Variants in PKHD1 observed in about 807,000 individuals in gnomAD.
PKHD1 encodes fibrocystin.
Under a neutral mutation model 412.0 loss-of-function variants are expected in PKHD1, and 291 were observed. The ratio of observed to expected loss-of-function variants is 0.71; its 90% CI spans 0.64 to 0.78. PKHD1 has a LOEUF of 0.78. Ranked by LOEUF, PKHD1 falls within the 30% of genes least tolerant of loss-of-function variation. The pLI, the probability that PKHD1 is intolerant of heterozygous loss-of-function variation, is 0.00. For missense variants in PKHD1, 4,825 were observed against 4,950.7 expected (o/e 0.97, Z 0.76); for synonymous variants, 1,777 against 1,821.5 (o/e 0.98, Z 0.62).
At chr6:51,841,889 C>A (rs906791049) in intron 50 of PKHD1, among the ~76,000 whole-genome samples, 1 of 152,218 alleles carries the variant, frequency 6.6e-6, no homozygotes, top group African/African-American at 2.4e-5. Context: ...GGAAAGGAAA[C>A]CTGGGCAGTG....
chr6:51,990,413 C>A (rs113232354), intron 35 of PKHD1, among the ~76,000 whole-genome samples: 5,761 of 152,216 alleles, frequency 0.038, 182 homozygotes, highest in Non-Finnish European at 0.063. Context: ...CCTTGTTTGG[C>A]ATATTTCTTT....
chr6:51,870,716 T>C, intron 46 of PKHD1, 77 bp from the exon 47 acceptor site: 3 of 1,180,754 alleles, frequency 2.5e-6, no homozygotes, highest in Admixed American at 1.9e-5. Context: ...AATGCATGAA[T>C]AAAAACAAAG....
intron 27 of PKHD1, among the ~76,000 whole-genome samples, chr6:52,042,277 T>G (rs551237012): frequency 6.6e-6 from 1 of 152,356 alleles, no homozygotes; most frequent in East Asian, 1.9e-4. Flanking sequence ...TGTTCTAAGC[T>G]GCAGTCCTCT....
intron 34 of PKHD1, among the ~76,000 whole-genome samples, chr6:52,015,206 A>G (rs1463486886): frequency 6.6e-6 from 1 of 152,204 alleles, no homozygotes; most frequent in East Asian, 1.9e-4. Context: ...GTGACTTAGT[A>G]TCATATCATT....
intron 60 of PKHD1, among the ~76,000 whole-genome samples, chr6:51,679,308 A>G (rs1776303634): frequency 6.6e-6 from 1 of 152,102 alleles, no homozygotes; most frequent in Non-Finnish European, 1.5e-5. Flanking sequence ...TGTGTTCGCC[A>G]CAAGTGCCTA....
At chr6:51,799,844 A>T (rs1762634203) in intron 52 of PKHD1, among the ~76,000 whole-genome samples, 1 of 152,226 alleles carries the variant, frequency 6.6e-6, no homozygotes, top group Non-Finnish European at 1.5e-5. Context: ...AATCACTCAG[A>T]AATAGTTATT....
intron 60 of PKHD1, among the ~76,000 whole-genome samples, chr6:51,674,993 T>C (rs964356480): frequency 6.6e-6 from 1 of 152,214 alleles, no homozygotes; most frequent in African/African-American, 2.4e-5. Context: ...ATGTATTTTT[T>C]ATTTTTTCAG....
chr6:51,677,717 T>C (rs1165896305), intron 60 of PKHD1, among the ~76,000 whole-genome samples: 1 of 152,154 alleles, frequency 6.6e-6, no homozygotes, highest in Admixed American at 6.5e-5. Context: ...TCAAAATATT[T>C]GTTCTCTTTT....
At chr6:52,013,060 C>T (rs764390076) in intron 34 of PKHD1, among the ~76,000 whole-genome samples, 2 of 152,156 alleles carry the variant, frequency 1.3e-5, no homozygotes, top group African/African-American at 2.4e-5. Flanking sequence ...AATAGGTCCT[C>T]AATCATAAGA....
chr6:51,886,587 A>G (rs1219502116), intron 44 of PKHD1, among the ~76,000 whole-genome samples: 1 of 152,198 alleles, frequency 6.6e-6, no homozygotes, highest in Non-Finnish European at 1.5e-5. Context: ...TGAGAAATCT[A>G]AAATATTCAA....
intron 58 of PKHD1, 95 bp downstream of exon 58, chr6:51,747,692 T>C: frequency 9.3e-7 from 1 of 1,076,878 alleles, no homozygotes; most frequent in Non-Finnish European, 1.4e-6. Flanking sequence ...TAGACCACAA[T>C]GTACCTTTTT....
chr6:51,744,328 G>T, intron 60 of PKHD1, 57 bp downstream of exon 60: 1 of 1,479,612 alleles, frequency 6.8e-7, no homozygotes, highest in Non-Finnish European at 9.4e-7. Context: ...AGCAAAACCA[G>T]CTCCTTCACA....
intron 60 of PKHD1, among the ~76,000 whole-genome samples, chr6:51,671,637 T>A (rs1172184072): frequency 2.0e-5 from 3 of 152,136 alleles, no homozygotes; most frequent in Non-Finnish European, 4.4e-5. Flanking sequence ...CTTTTTAGAG[T>A]TTCCAGTTTC....
intron 36 of PKHD1, among the ~76,000 whole-genome samples, chr6:51,957,586 T>C (rs866234543): frequency 3.3e-5 from 5 of 152,098 alleles, no homozygotes; most frequent in South Asian, 2.1e-4. Context: ...ATGGGACACA[T>C]GTTGAAGATC....
intron 18 of PKHD1, among the ~76,000 whole-genome samples, chr6:52,056,105 C>G (rs1296291455): frequency 6.6e-6 from 1 of 152,204 alleles, no homozygotes; most frequent in Non-Finnish European, 1.5e-5. Context: ...GAGTGGTCAG[C>G]ACCCCTGGCT....
At chr6:52,016,695 G>T (rs1800595546) in intron 34 of PKHD1, among the ~76,000 whole-genome samples, 1 of 151,664 alleles carries the variant, frequency 6.6e-6, no homozygotes, top group Admixed American at 6.6e-5. Flanking sequence ...ATAATCAAAG[G>T]TAGCCACTCT....
intron 35 of PKHD1, among the ~76,000 whole-genome samples, chr6:51,974,595 A>G (rs1168203655): frequency 6.6e-6 from 1 of 152,190 alleles, no homozygotes; most frequent in Non-Finnish European, 1.5e-5. Flanking sequence ...TAAGTGAAGT[A>G]ACTCAGGAAT....
chr6:51,690,419 C>T (rs1465936173), intron 60 of PKHD1, among the ~76,000 whole-genome samples: 2 of 151,912 alleles, frequency 1.3e-5, no homozygotes, highest in African/African-American at 2.4e-5. Flanking sequence ...TCAAACTATA[C>T]TACAGGCCTA....
At chr6:52,003,786 G>C (rs1798729178) in intron 35 of PKHD1, among the ~76,000 whole-genome samples, 1 of 152,116 alleles carries the variant, frequency 6.6e-6, no homozygotes, top group Admixed American at 6.6e-5. Context: ...CAGACTGTAA[G>C]TCCTCCAATT....
Sources: gnomAD v4.1 joint callset for allele counts (sites outside exome capture counted in the v4.1 genomes callset) on GRCh38, gnomAD v4.1.1 for gene constraint, MANE v1.5 for transcripts, NCBI Gene and HGNC (gene_info 2026-07-23, HGNC 2026-07-21) for gene names.